The following TMEM117 variants were observed in gnomAD, a reference collection of about 807,000 sequenced individuals.
TMEM117 encodes transmembrane protein 117.
In TMEM117, 27 loss-of-function variants were observed where a neutral mutation model predicts 52.4. That is an observed-to-expected ratio of 0.51 (90% CI 0.38 to 0.71). The LOEUF is 0.71. Ranked by LOEUF, TMEM117 falls within the 30% of genes least tolerant of loss-of-function variation. TMEM117 has a pLI of 0.00. For synonymous variants in TMEM117, 215 were observed against 206.3 expected, an observed-to-expected ratio of 1.04 and a Z score of -0.36; for missense variants, 556 against 630.5, an observed-to-expected ratio of 0.88 and a Z score of 1.26.
the TMEM117 span, among the ~76,000 whole-genome samples, chr12:43,802,636 A>AT: frequency 2.0e-5 from 3 of 152,242 alleles, no homozygotes; most frequent in African/African-American, 4.8e-5. Context: ...ATAGAGTATT[A>AT]TAAAAACTGT....
intron 2 of TMEM117, among the ~76,000 whole-genome samples, chr12:43,873,348 T>G (rs1262607110): frequency 6.6e-6 from 1 of 152,208 alleles, no homozygotes; most frequent in Non-Finnish European, 1.5e-5. Context: ...TCCACTTTAA[T>G]CAAAACCTTT....
At chr12:44,168,508 ACT>A (rs1949000750) in intron 4 of TMEM117, among the ~76,000 whole-genome samples, 1 of 152,066 alleles carries the variant, frequency 6.6e-6, no homozygotes, top group Non-Finnish European at 1.5e-5. Context: ...CTGTATCGTA[ACT>A]CTGTGTGGTC....
intron 3 of TMEM117, among the ~76,000 whole-genome samples, chr12:44,087,438 A>G (rs564695362): frequency 5.9e-4 from 80 of 134,906 alleles, no homozygotes; most frequent in Admixed American, 2.0e-3. Context: ...CTATGTGTGT[A>G]TGTATGTATG....
At chr12:43,894,703 A>G (rs748969542) in intron 2 of TMEM117, among the ~76,000 whole-genome samples, 4 of 151,976 alleles carry the variant, frequency 2.6e-5, no homozygotes, top group Non-Finnish European at 4.4e-5. Flanking sequence ...AGCTCTATTC[A>G]TGTCCCTGCA....
At chr12:44,047,728 C>A (rs1359813922) in intron 3 of TMEM117, among the ~76,000 whole-genome samples, 1 of 151,948 alleles carries the variant, frequency 6.6e-6, no homozygotes, top group Non-Finnish European at 1.5e-5. Flanking sequence ...GAGAAAAATC[C>A]CCAATTGGTC....
intron 4 of TMEM117, among the ~76,000 whole-genome samples, chr12:44,148,189 C>G (rs1023894561): frequency 3.3e-5 from 5 of 152,148 alleles, no homozygotes; most frequent in Non-Finnish European, 7.3e-5. Context: ...TAGTTGTTTG[C>G]CAGTTGGCTT....
intron 3 of TMEM117, among the ~76,000 whole-genome samples, chr12:44,090,412 T>C (rs1487714055): frequency 8.6e-6 from 1 of 116,870 alleles, no homozygotes; most frequent in East Asian, 2.0e-4. Flanking sequence ...ATTTATTTAT[T>C]TATTTATTTA....
At chr12:44,226,499 A>ATGTGTGTGTGTGTG (rs1161429257) in intron 5 of TMEM117, among the ~76,000 whole-genome samples, 4 of 132,950 alleles carry the variant, frequency 3.0e-5, no homozygotes, top group East Asian at 2.0e-4. Context: ...ATAAATATAT[A>ATGTGTGTGTGTGTG]TATGTGTGTG....
intron 5 of TMEM117, among the ~76,000 whole-genome samples, chr12:44,274,939 G>A (rs1950494491): frequency 6.6e-6 from 1 of 152,020 alleles, no homozygotes; most frequent in African/African-American, 2.4e-5. Flanking sequence ...GCAACCAAAG[G>A]AAAAGTTGGC....
intron 2 of TMEM117, among the ~76,000 whole-genome samples, chr12:43,932,931 A>G (rs952222490): frequency 1.3e-5 from 2 of 152,212 alleles, no homozygotes; most frequent in Non-Finnish European, 2.9e-5. Context: ...ATGCATAGGT[A>G]CAAATAATAG....
intron 3 of TMEM117, among the ~76,000 whole-genome samples, chr12:44,120,283 T>C (rs1242410420): frequency 2.6e-5 from 4 of 152,182 alleles, no homozygotes; most frequent in African/African-American, 9.6e-5. Context: ...TTTGCATGTG[T>C]ATTGTTAGGC....
chr12:44,342,601 A>T (rs1392104248), intron 6 of TMEM117, among the ~76,000 whole-genome samples: 3 of 151,848 alleles, frequency 2.0e-5, no homozygotes, highest in Non-Finnish European at 4.4e-5. Flanking sequence ...CAAAGGGTGA[A>T]CTGAGGAGAG....
At chr12:44,047,059 G>A (rs929712082) in intron 3 of TMEM117, among the ~76,000 whole-genome samples, 4 of 152,050 alleles carry the variant, frequency 2.6e-5, no homozygotes, top group African/African-American at 9.7e-5. Flanking sequence ...GGGATACAAA[G>A]TATTAATCCT....
chr12:44,375,559 A>G (rs753650893), intron 6 of TMEM117, among the ~76,000 whole-genome samples: 1 of 152,182 alleles, frequency 6.6e-6, no homozygotes, highest in Non-Finnish European at 1.5e-5. Flanking sequence ...TAGGCACTAT[A>G]TTACTAGCAC....
At chr12:43,827,252 C>G in the TMEM117 span, among the ~76,000 whole-genome samples, 1 of 152,072 alleles carries the variant, frequency 6.6e-6, no homozygotes, top group African/African-American at 2.4e-5. Flanking sequence ...GCACGTCTCA[C>G]AGTCTAACAT....
chr12:44,051,824 A>G (rs1182218836), intron 3 of TMEM117, among the ~76,000 whole-genome samples: 1 of 152,226 alleles, frequency 6.6e-6, no homozygotes, highest in Non-Finnish European at 1.5e-5. Context: ...TTAAGTATAT[A>G]ATAACAACTT....
intron 5 of TMEM117, among the ~76,000 whole-genome samples, chr12:44,250,540 T>A (rs1950184595): frequency 6.6e-6 from 1 of 152,142 alleles, no homozygotes; most frequent in African/African-American, 2.4e-5. Flanking sequence ...CATGCACACA[T>A]ATGTTTATTG....
At position 43,958,804 on chromosome 12, in the gene TMEM117, TTA is replaced by T. The variant is rs1168333847; in HGVS notation, c.410+14463_410+14464del. 1.9e-4 allele frequency among the ~76,000 whole-genome samples: 18 copies of T among 93,240 alleles called. No individual in the cohort carries two copies. In the South Asian group the frequency reaches 5.1e-3, roughly 26 times the overall value. The allele number at this position is 93,240 out of a possible 152,430, so 61.2% of individuals were successfully genotyped here. A position where few individuals can be genotyped will look rare whatever the true frequency, so the allele number is the denominator to read the frequency against. ...GTAAAATGCATGGTTTCTTTTTTTGTTAGTTTGTTTGTTTGTTTTTGAGACAG... is the reference window on the plus strand; with the variant it reads ...GTAAAATGCATGGTTTCTTTTTTTGTGTTTGTTTGTTTGTTTTTGAGACAG... On this transcript the variant is annotated intron_variant, in intron 3 of 7. Coordinates refer to ENST00000266534, the MANE Select transcript of TMEM117 (RefSeq NM_032256.3).
At chr12:43,897,572 C>G (rs1383809687) in intron 2 of TMEM117, among the ~76,000 whole-genome samples, 1 of 151,822 alleles carries the variant, frequency 6.6e-6, no homozygotes, top group East Asian at 1.9e-4. Flanking sequence ...CTCAGCCTCC[C>G]AAAGTGTTGG....
Sources: gnomAD v4.1 joint callset for allele counts (sites outside exome capture counted in the v4.1 genomes callset) on GRCh38, gnomAD v4.1.1 for gene constraint, MANE v1.5 for transcripts, NCBI Gene and HGNC (gene_info 2026-07-23, HGNC 2026-07-21) for gene names.